The following PAK4 variants were observed in gnomAD, a reference collection of about 807,000 sequenced individuals.
PAK4 encodes the protein serine/threonine-protein kinase PAK 4.
A neutral mutation model predicts 53.5 loss-of-function variants in PAK4; 49 were observed. That is an observed-to-expected ratio of 0.92 (90% confidence interval 0.73 to 1.16). The LOEUF (loss-of-function observed/expected upper bound fraction) is 1.16. Ranked by LOEUF, PAK4 falls within the 50% of genes most tolerant of loss-of-function variation. The pLI, the probability that PAK4 is intolerant of heterozygous loss-of-function variation, is 0.00. For synonymous variants in PAK4, 376 were observed against 375.6 expected, an observed-to-expected ratio of 1.00 and a Z score of -0.01; for missense variants, 824 against 850.7, an observed-to-expected ratio of 0.97 and a Z score of 0.39.
intron 1 of PAK4, among the ~76,000 whole-genome samples, chr19:39,144,117 T>TAGATAGACAGACAGAC (rs1241014432): frequency 8.0e-6 from 1 of 124,456 alleles, no homozygotes; most frequent in African/African-American, 2.7e-5. Flanking sequence ...GATAGATAGA[T>TAGATAGACAGACAGAC]AGACAGACAG....
chr19:39,133,312 GTAT>G (rs2073748872), intron 1 of PAK4, among the ~76,000 whole-genome samples: 1 of 152,182 alleles, frequency 6.6e-6, no homozygotes, highest in Admixed American at 6.5e-5. Flanking sequence ...ACTAATAGCC[GTAT>G]TATTAATATT....
chr19:39,177,841 C>T, intron 8 of PAK4, 32 bp downstream of exon 9: 3 of 1,586,320 alleles, frequency 1.9e-6, no homozygotes, highest in Non-Finnish European at 2.6e-6. Flanking sequence ...AAACTGTGCG[C>T]CAGCTGGCGG....
chr19:39,137,375 A>G (rs1444376085), intron 1 of PAK4, among the ~76,000 whole-genome samples: 1 of 152,026 alleles, frequency 6.6e-6, no homozygotes, highest in East Asian at 1.9e-4. Context: ...TGAATAGGAA[A>G]GACGAATGGA....
chr19:39,178,275 C>A lies in PAK4; in HGVS notation c.1621-149C>A. ...CATCACTGTCCCTGTCCCGTCTACA[C>A]CCCAAGATCTAGACACCCATGACCT... is the stretch of plus-strand genomic sequence containing the variant. On this transcript the variant is annotated intron_variant, in intron 8 of 8. Coordinates refer to ENST00000358301, the Ensembl canonical transcript of PAK4. This position sits in a 1 kb window ranked among gnomAD's most constrained non-coding sequence, Gnocchi z 4.4. The A allele has an allele frequency of 1.3e-6, 1 of 745,558 alleles. No homozygotes were observed. Among genetic ancestry groups the A allele is most frequent in the Non-Finnish European group, 2.1e-6 (1 of 469,476 alleles). The allele number at this position is 745,558 out of a possible 1,614,324, so 46.2% of individuals were successfully genotyped here. A position where few individuals can be genotyped will look rare whatever the true frequency, so the allele number is the denominator to read the frequency against.
intron 1 of PAK4, among the ~76,000 whole-genome samples, chr19:39,139,604 C>A (rs959663597): frequency 1.3e-5 from 2 of 152,172 alleles, no homozygotes; most frequent in Non-Finnish European, 2.9e-5. Context: ...CAGAGAGGGC[C>A]TTCTGGGTAC....
chr19:39,175,266 C>G lies in PAK4; in HGVS notation c.1233-46C>G, dbSNP rs534612481. 1.3e-6 allele frequency: 2 copies of G among 1,543,878 alleles called. No homozygotes were observed. The highest frequency in any genetic ancestry group is 2.4e-5 in the South Asian group (2 of 84,634). On this transcript the variant is annotated intron_variant, in intron 5 of 8. Transcript: ENST00000358301. The surrounding 1 kb of genome is among the most constrained non-coding windows in gnomAD (Gnocchi z 4.7). ...CAGGGCTGCGTCCCCCTCGGCACCC[C>G]GGGGTGCTGTCCAGCTGGCTGCTCA...
intron 1 of PAK4, among the ~76,000 whole-genome samples, chr19:39,144,929 G>A (rs892572237): frequency 2.0e-5 from 3 of 152,166 alleles, no homozygotes; most frequent in African/African-American, 7.2e-5. Flanking sequence ...AATCTGACAT[G>A]TGTACAGAAA....
At chr19:39,137,693 G>A (rs1301877086) in intron 1 of PAK4, among the ~76,000 whole-genome samples, 1 of 150,318 alleles carries the variant, frequency 6.7e-6, no homozygotes, top group African/African-American at 2.4e-5. Flanking sequence ...TTGAGACAGA[G>A]TCTCACTCTG....
intron 6 of PAK4, among the ~76,000 whole-genome samples, chr19:39,176,011 A>G (rs566978832): frequency 7.2e-5 from 11 of 152,344 alleles, no homozygotes; most frequent in African/African-American, 2.2e-4. Flanking sequence ...CCAGATGTCT[A>G]TAGATGTGTT....
chr19:39,165,445 G>T (rs1306121992), intron 1 of PAK4, among the ~76,000 whole-genome samples: 5 of 150,362 alleles, frequency 3.3e-5, no homozygotes, highest in African/African-American at 1.2e-4. Context: ...AACCCGGGAG[G>T]CGGAGGTTGC....
In PAK4 at chr19:39,178,399, C is replaced by T; in HGVS notation, c.1621-25C>T. On this transcript the variant is annotated intron_variant, in intron 8 of 8. Transcript: ENST00000358301. This position sits in a 1 kb window ranked among gnomAD's most constrained non-coding sequence, Gnocchi z 4.4. ...AATGAACAGTGGGGAGCCTCGCCCCCTGACCCTCCCCTCCTTCTCGACAGG... is the reference window on the plus strand; with the variant it reads ...AATGAACAGTGGGGAGCCTCGCCCCTTGACCCTCCCCTCCTTCTCGACAGG... The T allele has an allele frequency of 5.1e-6, 8 of 1,564,780 alleles. No individual in the cohort carries two copies. Among genetic ancestry groups the T allele is most frequent in the Non-Finnish European group, 6.9e-6 (8 of 1,155,552 alleles).
intron 2 of PAK4, among the ~76,000 whole-genome samples, chr19:39,170,966 C>G (rs2074467578): frequency 6.6e-6 from 1 of 152,362 alleles, no homozygotes; most frequent in South Asian, 2.1e-4. Context: ...GCTCCACGCC[C>G]TGCCTGGCTC....
intron 1 of PAK4, among the ~76,000 whole-genome samples, chr19:39,133,367 C>T (rs1307924818): frequency 1.3e-5 from 2 of 152,168 alleles, no homozygotes; most frequent in Admixed American, 6.5e-5. Context: ...TATGAGCAGG[C>T]ACTGTTTGAG....
Position 39,173,535 on chromosome 19 carries a change from C to T in PAK4, c.664-41C>T, listed in dbSNP as rs781202441. Reference sequence around the variant, plus strand: ...TCCTGCTTAGGGAGCAGAGCTGCTCCCTGGCACCCATCACTGACAGCTACC... The same window carrying T: ...TCCTGCTTAGGGAGCAGAGCTGCTCTCTGGCACCCATCACTGACAGCTACC... On this transcript the variant is annotated intron_variant, in intron 3 of 8. Transcript: ENST00000358301. This position sits in a 1 kb window ranked among gnomAD's most constrained non-coding sequence, Gnocchi z 6.9. 3 of 1,475,002 alleles carry T rather than the reference C, an allele frequency of 2.0e-6. No individual in the cohort carries two copies. In the Admixed American group the frequency reaches 6.8e-5, roughly 33 times the overall value. The allele number at this position is 1,475,002 out of a possible 1,614,324, so 91.4% of individuals were successfully genotyped here.
chr19:39,172,789 G>A, intron 2 of PAK4, 129 bp from the exon 4 acceptor site: 1 of 790,776 alleles, frequency 1.3e-6, no homozygotes, highest in South Asian at 1.8e-5. Context: ...GTCACTCCAT[G>A]GCATCTCTTC....
intron 1 of PAK4, among the ~76,000 whole-genome samples, chr19:39,128,435 C>T (rs1228092996): frequency 2.6e-5 from 4 of 152,182 alleles, no homozygotes; most frequent in Non-Finnish European, 4.4e-5. Context: ...CTGAGGCTGG[C>T]CCAGCCTCCC....
rs780133717 is a variant in PAK4 at position 39,174,897 on chromosome 19, G to A, written c.1099-34G>A. 8.7e-5 allele frequency: 140 copies of A among 1,610,672 alleles called. No homozygotes were observed. In the Middle Eastern group the frequency reaches 1.2e-3, roughly 13 times the overall value. On this transcript the variant is annotated intron_variant, in intron 4 of 8. Coordinates refer to ENST00000358301, the Ensembl canonical transcript of PAK4. ...TGGGTCTGGCACTGGCAGCCCTCCC[G>A]CCTCCCTCCACCACTGACCCAGCCC...
At chr19:39,182,436 G>A (rs573649359), downstream of PAK4, 3 of 152,338 alleles carry the variant, frequency 2.0e-5, no homozygotes, top group Admixed American at 2.0e-4. Flanking sequence ...GCTTCACCCT[G>A]GACTTTCTGA....
chr19:39,130,555 G>A (rs891420163), intron 1 of PAK4, among the ~76,000 whole-genome samples: 5 of 152,102 alleles, frequency 3.3e-5, no homozygotes, highest in Non-Finnish European at 5.9e-5. Context: ...GAATGACCTC[G>A]GAATGGTCGA....
Sources: allele counts gnomAD v4.1 joint callset (sites outside exome capture counted in the v4.1 genomes callset), GRCh38; gene constraint gnomAD v4.1.1; non-coding constraint Gnocchi (gnomAD v3.1); transcripts MANE v1.5; gene names NCBI Gene and HGNC (gene_info 2026-07-23, HGNC 2026-07-21).